The following ARHGEF38 variants were observed in gnomAD, a reference collection of about 807,000 sequenced individuals.
ARHGEF38 encodes the protein Rho guanine nucleotide exchange factor (GEF) 38.
Under a neutral mutation model 79.9 loss-of-function variants are expected in ARHGEF38, and 79 were observed. The observed-to-expected ratio is 0.99, with a 90% CI of 0.82 to 1.19. The LOEUF (loss-of-function observed/expected upper bound fraction) is 1.19, where lower values mean the gene tolerates loss of function less well. ARHGEF38 is among the 50% of genes most tolerant of loss of function. ARHGEF38 has a pLI of 0.00. For missense variants in ARHGEF38, 962 were observed against 907.2 expected (o/e 1.06, Z -0.78); for synonymous variants, 366 against 328.3 (o/e 1.11, Z -1.24).
Position 105,666,240 on chromosome 4 carries a change from T to C in ARHGEF38, c.1609T>C (p.Leu537=). 1 of 1,535,494 alleles carries C rather than the reference T, an allele frequency of 6.5e-7. No homozygotes were observed. Among genetic ancestry groups the C allele is most frequent in the Non-Finnish European group, 8.7e-7 (1 of 1,146,606 alleles). Residue 537 remains leucine, a synonymous_variant, in exon 11 of 14, where the codon TTG becomes CTG. Transcript: ENST00000420470. ...QNQVLEEIQN[L]NCVKENSATF... Reference sequence around the variant, plus strand: ...TCAAGTACTAGAAGAGATCCAAAATTTGAATTGTGTGAAAGAAAACAGTGC... The same window carrying C: ...TCAAGTACTAGAAGAGATCCAAAATCTGAATTGTGTGAAAGAAAACAGTGC...
chr4:105,557,269 C>T (rs1164718008), intron 1 of ARHGEF38, among the ~76,000 whole-genome samples: 5 of 151,802 alleles, frequency 3.3e-5, no homozygotes, highest in Non-Finnish European at 7.4e-5. Flanking sequence ...TATAGATATA[C>T]ATGTATGTAC....
At chr4:105,645,065 T>C in intron 5 of ARHGEF38, 123 bp from the exon 6 acceptor site, 1 of 810,472 alleles carries the variant, frequency 1.2e-6, no homozygotes, top group Non-Finnish European at 1.7e-6. Context: ...TATTTAGAAA[T>C]TTTAGATATA....
intron 1 of ARHGEF38, among the ~76,000 whole-genome samples, chr4:105,588,551 A>T (rs1315433108): frequency 6.6e-6 from 1 of 152,182 alleles, no homozygotes; most frequent in Non-Finnish European, 1.5e-5. Flanking sequence ...AACTTTTGCT[A>T]TGTGTGAGGC....
At chr4:105,587,725 G>T (rs1325144808) in intron 1 of ARHGEF38, among the ~76,000 whole-genome samples, 1 of 152,294 alleles carries the variant, frequency 6.6e-6, no homozygotes, top group African/African-American at 2.4e-5. Flanking sequence ...CTCCCAAAGT[G>T]CTAGGATTAC....
intron 9 of ARHGEF38, 40 bp downstream of exon 9, chr4:105,655,762 G>A: frequency 1.3e-6 from 2 of 1,519,388 alleles, no homozygotes; most frequent in South Asian, 1.2e-5. Context: ...AAATTAAATA[G>A]TGAGGTTGAA....
intron 1 of ARHGEF38, among the ~76,000 whole-genome samples, chr4:105,568,454 T>C (rs1309989278): frequency 6.6e-6 from 1 of 151,942 alleles, no homozygotes. Context: ...GATCTAGAAC[T>C]AGAAATACCA....
intron 5 of ARHGEF38, among the ~76,000 whole-genome samples, chr4:105,643,140 TTTTTCAGTATAAATACTGAAAACAG>T (rs1199113691): frequency 1.3e-5 from 2 of 151,704 alleles, no homozygotes; most frequent in African/African-American, 2.4e-5. Flanking sequence ...TTAGTTTTTT[TTTTTCAGTATAAATACTGAAAACAG>T]TTTTCAGTAT....
intron 1 of ARHGEF38, among the ~76,000 whole-genome samples, chr4:105,573,338 G>T (rs919807434): frequency 2.0e-5 from 3 of 151,936 alleles, no homozygotes; most frequent in Non-Finnish European, 4.4e-5. Context: ...TGAAATTTTT[G>T]CCCTATGTTT....
intron 3 of ARHGEF38, among the ~76,000 whole-genome samples, chr4:105,625,298 A>G (rs913103699): frequency 6.6e-6 from 1 of 152,228 alleles, no homozygotes; most frequent in African/African-American, 2.4e-5. Context: ...TTCTCCCAAA[A>G]TATTTTCCTG....
intron 10 of ARHGEF38, among the ~76,000 whole-genome samples, chr4:105,662,346 T>G (rs1730593412): frequency 6.6e-6 from 1 of 152,178 alleles, no homozygotes; most frequent in Non-Finnish European, 1.5e-5. Context: ...TTTTTCCAAG[T>G]TAACCTTTGT....
chr4:105,613,053 C>T (rs758019703), intron 2 of ARHGEF38, among the ~76,000 whole-genome samples: 76 of 152,104 alleles, frequency 5.0e-4, no homozygotes, highest in Non-Finnish European at 8.4e-4. Context: ...GTAAACTATT[C>T]TAAATCCTTA....
intron 13 of ARHGEF38, among the ~76,000 whole-genome samples, chr4:105,668,186 T>C (rs1029774468): frequency 6.6e-6 from 1 of 151,714 alleles, no homozygotes; most frequent in African/African-American, 2.4e-5. Flanking sequence ...TTTTTCTTTT[T>C]TTCTTTTTTT....
chr4:105,593,077 G>A (rs997601332), intron 2 of ARHGEF38, among the ~76,000 whole-genome samples: 1 of 151,874 alleles, frequency 6.6e-6, no homozygotes, highest in Non-Finnish European at 1.5e-5. Flanking sequence ...CAAAAAAATT[G>A]TTTTCCTCGA....
At chr4:105,597,225 A>G (rs1195857075) in intron 2 of ARHGEF38, among the ~76,000 whole-genome samples, 7 of 152,228 alleles carry the variant, frequency 4.6e-5, no homozygotes, top group Non-Finnish European at 8.8e-5. Context: ...TCCTAGATAG[A>G]TAGGTGGATA....
At chr4:105,616,578 A>G (rs1020242854) in intron 3 of ARHGEF38, among the ~76,000 whole-genome samples, 3 of 152,046 alleles carry the variant, frequency 2.0e-5, no homozygotes, top group Admixed American at 1.3e-4. Flanking sequence ...ATCACCTCCC[A>G]CCAGGCCCCT....
chr4:105,630,171 A>G (rs527497099), intron 3 of ARHGEF38, among the ~76,000 whole-genome samples: 2 of 152,246 alleles, frequency 1.3e-5, no homozygotes. Context: ...AAGAGTAAAA[A>G]TAACTTGCTC....
At chr4:105,646,935 C>T (rs1253295664) in intron 6 of ARHGEF38, among the ~76,000 whole-genome samples, 1 of 151,904 alleles carries the variant, frequency 6.6e-6, no homozygotes, top group Non-Finnish European at 1.5e-5. Flanking sequence ...TAATTCCAAA[C>T]ATCCACAGTA....
At chr4:105,629,329 G>C (rs1225351672) in intron 3 of ARHGEF38, among the ~76,000 whole-genome samples, 1 of 152,034 alleles carries the variant, frequency 6.6e-6, no homozygotes, top group Non-Finnish European at 1.5e-5. Context: ...CCTCTAGACA[G>C]GACTTCGGGA....
intron 1 of ARHGEF38, among the ~76,000 whole-genome samples, chr4:105,561,175 C>T (rs1247771030): frequency 1.3e-5 from 2 of 151,870 alleles, no homozygotes; most frequent in Non-Finnish European, 2.9e-5. Flanking sequence ...ATCGCTTGAG[C>T]CCAGGAGTTT....
Sources: gnomAD v4.1 joint callset for allele counts (sites outside exome capture counted in the v4.1 genomes callset) on GRCh38, gnomAD v4.1.1 for gene constraint, MANE v1.5 for transcripts, NCBI Gene and HGNC (gene_info 2026-07-23, HGNC 2026-07-21) for gene names.